Variants in GPAT3 observed in about 807,000 individuals in gnomAD.
The protein encoded by GPAT3 is glycerol-3-phosphate acyltransferase 3.
Under a neutral mutation model 58.8 loss-of-function variants are expected in GPAT3, and 53 were observed. That is an observed-to-expected ratio of 0.90 (90% CI 0.72 to 1.13). GPAT3 has a LOEUF of 1.13. GPAT3 is among the 50% of genes most tolerant of loss of function. The probability of loss-of-function intolerance (pLI) is 0.00; values close to 1 mark genes in which losing one functional copy is unlikely to be tolerated. For missense variants in GPAT3, 511 were observed against 527.6 expected, an observed-to-expected ratio of 0.97 and a Z score of 0.31; for synonymous variants, 197 against 187.4, an observed-to-expected ratio of 1.05 and a Z score of -0.42.
upstream of GPAT3, chr4:83,535,818 C>A: frequency 1.0e-6 from 1 of 985,480 alleles, no homozygotes; most frequent in Non-Finnish European, 1.2e-6. Context: ...GAAGCCCTTT[C>A]CAAGAGTTCG....
At position 83,587,222 on chromosome 4, in the gene GPAT3, A is replaced by C. The variant is rs374344480; in HGVS notation, c.480-33A>C. The C allele has an allele frequency of 2.5e-6, 4 of 1,589,980 alleles. No individual in the cohort carries two copies. The African/African-American group carries it at 4.1e-5, about 16-fold the overall frequency. The stretch of plus-strand genomic sequence containing the variant: ...TTGGTTACTTCCATGCTATGTGTCA[A>C]AATCTTATATGGCCCTCTCTTTTCT... On this transcript the variant is annotated intron_variant, in intron 3 of 11. Transcript: ENST00000264409.
chr4:83,579,011 TCTTTC>T, intron 2 of GPAT3, among the ~76,000 whole-genome samples: 5 of 129,158 alleles, frequency 3.9e-5, no homozygotes, highest in East Asian at 2.1e-4. Context: ...CTTCCTTCCT[TCTTTC>T]CCTTTCTTTC....
At position 83,579,081 on chromosome 4, in the gene GPAT3, C is replaced by CCTTT. The variant is rs1560621462; in HGVS notation, c.209-2480_209-2479insTTTC. Among the ~76,000 whole-genome samples, 83 of 19,672 alleles carry CCTTT rather than the reference C, an allele frequency of 4.2e-3. 9 individuals are homozygous for CCTTT. The highest frequency in any genetic ancestry group is 0.018 in the East Asian group (9 of 508). The allele number at this position is 19,672 out of a possible 152,430, so 12.9% of individuals were successfully genotyped here. A position where few individuals can be genotyped will look rare whatever the true frequency, so the allele number is the denominator to read the frequency against. Reference sequence around the variant, plus strand: ...TTCTTTCTTTCTTTCTTTCTTTCTTCCCTTCCTTCCTTCCTTCCTTCCTTC... The same window carrying CCTTT: ...TTCTTTCTTTCTTTCTTTCTTTCTTCCTTTCCTTCCTTCCTTCCTTCCTTCCTTC... On this transcript the variant is annotated intron_variant, in intron 2 of 11. Coordinates refer to ENST00000264409, the MANE Select transcript of GPAT3 (RefSeq NM_032717.5).
chr4:83,544,650 G>A (rs1430520461), intron 2 of GPAT3, 48 bp downstream of exon 2: 2 of 1,557,648 alleles, frequency 1.3e-6, no homozygotes, highest in Non-Finnish European at 8.9e-7. Context: ...AAATTGGGTG[G>A]ATGTAAACCT....
rs1343748661 is a variant in GPAT3, at chr4:83,536,362, G to T, written c.-261G>T. On this transcript the variant is annotated 5_prime_UTR_variant, in exon 1 of 12. Transcript: ENST00000264409. ...ACTGGCTCGCGCTACCCAGGTCTCC[G>T]CACGCCGCGGTGGCTTCAGCCCAGA... 6.6e-6 allele frequency: 8 copies of T among 1,216,456 alleles called. No individual in the cohort carries two copies. The highest frequency in any genetic ancestry group is 4.7e-5 in the African/African-American group (3 of 63,880). 75.4% of individuals were successfully genotyped at this position (1,216,456 alleles called of 1,614,324 possible).
At chr4:83,549,758 T>C (rs1004451639) in intron 2 of GPAT3, among the ~76,000 whole-genome samples, 15 of 150,546 alleles carry the variant, frequency 1.0e-4, no homozygotes, top group Non-Finnish European at 1.5e-5. Flanking sequence ...AGTCTGGCTC[T>C]GTTGCCCAGG....
intron 1 of GPAT3, among the ~76,000 whole-genome samples, chr4:83,544,221 G>A (rs1028546968): frequency 1.7e-4 from 26 of 152,288 alleles, no homozygotes; most frequent in Admixed American, 6.5e-4. Context: ...TCTTGATGCC[G>A]TGACCTGTAC....
At position 83,599,314 on chromosome 4, in the gene GPAT3, T is replaced by C. The variant is rs529215616; in HGVS notation, c.1205+591T>C. ...TATGGTCTAAGATGGCTGTTCCAACTCTACTCAGTGTGTACAGCAAATGGC... is the reference window on the plus strand; with the variant it reads ...TATGGTCTAAGATGGCTGTTCCAACCCTACTCAGTGTGTACAGCAAATGGC... On this transcript the variant is annotated intron_variant, in intron 11 of 11. Coordinates refer to ENST00000264409, the MANE Select transcript of GPAT3 (RefSeq NM_032717.5). Among the ~76,000 whole-genome samples, 3 of 152,310 alleles carry C rather than the reference T, an allele frequency of 2.0e-5. No individual in the cohort carries two copies. The South Asian group carries it at 6.2e-4, about 32-fold the overall frequency.
At chr4:83,597,935 A>T in intron 9 of GPAT3, 116 bp from the exon 10 acceptor site, 1 of 1,227,184 alleles carries the variant, frequency 8.1e-7, no homozygotes, top group Middle Eastern at 2.6e-4. Context: ...CAAGTGAAAT[A>T]ACTTTTTTTT....
intron 11 of GPAT3, among the ~76,000 whole-genome samples, chr4:83,599,164 A>G (rs1213461674): frequency 1.3e-5 from 2 of 152,134 alleles, no homozygotes; most frequent in Admixed American, 6.6e-5. Flanking sequence ...GCTGAAAGTA[A>G]TAGTGGTTTA....
intron 2 of GPAT3, among the ~76,000 whole-genome samples, chr4:83,558,868 T>G (rs1161793716): frequency 1.3e-5 from 2 of 152,156 alleles, no homozygotes; most frequent in African/African-American, 2.4e-5. Flanking sequence ...GTGAGATCTG[T>G]GAAGGCTGAT....
intron 11 of GPAT3, 66 bp downstream of exon 11, chr4:83,598,789 G>C (rs1726950505): frequency 1.6e-6 from 1 of 627,074 alleles, no homozygotes; most frequent in Non-Finnish European, 2.1e-6. Context: ...TTTTTTTTTA[G>C]AGAATGCCTC....
intron 1 of GPAT3, among the ~76,000 whole-genome samples, chr4:83,539,598 CCTT>C (rs1368358440): frequency 6.6e-6 from 1 of 152,198 alleles, no homozygotes; most frequent in African/African-American, 2.4e-5. Context: ...TTCTCTGACT[CCTT>C]CTTAACCCAC....
rs1329366069 is a variant in GPAT3, at chr4:83,582,985, A to G, written c.479+1153A>G. Among the ~76,000 whole-genome samples the G allele has an allele frequency of 3.3e-5, 5 of 152,318 alleles. No individual in the cohort carries two copies. In the East Asian group the frequency reaches 5.8e-4, roughly 18 times the overall value. ...CATTGGCATGCAGGAAGGAAATATT[A>G]GAGCTCTTATTTACTAAAAGCTTCT... On this transcript the variant is annotated intron_variant, in intron 3 of 11. Coordinates refer to ENST00000264409, the MANE Select transcript of GPAT3 (RefSeq NM_032717.5).
chr4:83,597,547 T>A (rs1240326713), intron 9 of GPAT3, 32 bp downstream of exon 9: 1 of 1,368,530 alleles, frequency 7.3e-7, no homozygotes, highest in Non-Finnish European at 9.9e-7. Flanking sequence ...GAATAATAAT[T>A]ATTATAAAGA....
intron 1 of GPAT3, 54 bp from the exon 2 acceptor site, chr4:83,544,482 T>C: frequency 6.5e-7 from 1 of 1,548,602 alleles, no homozygotes; most frequent in East Asian, 2.2e-5. Flanking sequence ...GGTTGAAGTG[T>C]TTTATGTTGT....
At chr4:83,570,092 G>A (rs143127816) in intron 2 of GPAT3, among the ~76,000 whole-genome samples, 287 of 152,304 alleles carry the variant, frequency 1.9e-3, no homozygotes, top group African/African-American at 6.7e-3. Context: ...TTTGGGATTC[G>A]TCAGTGGGCA....
At chr4:83,573,736 C>T (rs957398440) in intron 2 of GPAT3, among the ~76,000 whole-genome samples, 1 of 152,156 alleles carries the variant, frequency 6.6e-6, no homozygotes. Flanking sequence ...AGGACACTAC[C>T]ACCAATAATT....
chr4:83,558,422 A>ATGC (rs1264076252), intron 2 of GPAT3, among the ~76,000 whole-genome samples: 1 of 152,196 alleles, frequency 6.6e-6, no homozygotes, highest in Non-Finnish European at 1.5e-5. Flanking sequence ...ACCTAAAAAG[A>ATGC]TGCTGCAGTG....
Sources: allele counts gnomAD v4.1 joint callset (sites outside exome capture counted in the v4.1 genomes callset), GRCh38; gene constraint gnomAD v4.1.1; transcripts MANE v1.5; gene names NCBI Gene and HGNC (gene_info 2026-07-23, HGNC 2026-07-21).